KCNN3: variants seen among roughly 807,000 people sequenced by gnomAD.
KCNN3 encodes small conductance calcium-activated potassium channel protein 3.
Under a neutral mutation model 62.9 loss-of-function variants are expected in KCNN3, and 16 were observed. The ratio of observed to expected loss-of-function variants is 0.25; its 90% CI spans 0.17 to 0.39. The LOEUF (loss-of-function observed/expected upper bound fraction) is 0.39. KCNN3 is among the 10% of genes least tolerant of loss of function. The probability of loss-of-function intolerance (pLI) is 1.00; values close to 1 mark genes in which losing one functional copy is unlikely to be tolerated. For synonymous variants in KCNN3, 370 were observed against 389.2 expected (o/e 0.95, Z 0.58); for missense variants, 599 against 949.4 (o/e 0.63, Z 4.85).
intron 7 of KCNN3, 43 bp downstream of exon 7, chr1:154,713,421 T>C (rs1258290729): frequency 2.5e-5 from 38 of 1,497,090 alleles, no homozygotes; most frequent in Non-Finnish European, 3.5e-5. Context: ...GAAGACTCAG[T>C]GTCTGCGTGT....
intron 1 of KCNN3, among the ~76,000 whole-genome samples, chr1:154,826,323 A>G (rs1264736481): frequency 6.6e-6 from 1 of 152,208 alleles, no homozygotes; most frequent in Non-Finnish European, 1.5e-5. Flanking sequence ...AGCCCTTCAC[A>G]GATCTGTGAT....
intron 2 of KCNN3, among the ~76,000 whole-genome samples, chr1:154,801,073 G>T (rs1649932902): frequency 6.6e-6 from 1 of 152,038 alleles, no homozygotes; most frequent in South Asian, 2.1e-4. Flanking sequence ...CACCAAGCTG[G>T]CCAGTGGACT....
rs1489866973 is a variant in KCNN3, at chr1:154,698,431, C to T, written c.*9545G>A. ...GATTGACACTGTATACAGGGCATGA[C>T]CTCTCTGACTTGGCCCTGCCTATTA... On this transcript the variant is annotated 3_prime_UTR_variant, in exon 8 of 8. Transcript: ENST00000271915. 6.6e-6 allele frequency: 1 copy of T among 152,190 alleles called. No individual in the cohort carries two copies. Among genetic ancestry groups the T allele is most frequent in the African/African-American group, 2.4e-5 (1 of 41,432 alleles). The allele number at this position is 152,190 out of a possible 1,614,324, so 9.4% of individuals were successfully genotyped here. A position where few individuals can be genotyped will look rare whatever the true frequency, so the allele number is the denominator to read the frequency against.
chr1:154,825,453 C>T (rs1447355727), intron 1 of KCNN3, among the ~76,000 whole-genome samples: 1 of 150,352 alleles, frequency 6.7e-6, no homozygotes, highest in African/African-American at 2.5e-5. Flanking sequence ...GCAAGCTCTG[C>T]CTGCCGGGTT....
chr1:154,852,563 T>C (rs1207145449), intron 1 of KCNN3, among the ~76,000 whole-genome samples: 1 of 152,136 alleles, frequency 6.6e-6, no homozygotes, highest in Non-Finnish European at 1.5e-5. Flanking sequence ...ACAGATCAAG[T>C]ATCTCCAATG....
At position 154,703,133 on chromosome 1, in the gene KCNN3, G is replaced by A. The variant is rs1426151581; in HGVS notation, c.*4843C>T. 1 of 152,060 alleles carries A rather than the reference G, an allele frequency of 6.6e-6. No homozygotes were observed. The allele number at this position is 152,060 out of a possible 1,614,324, so 9.4% of individuals were successfully genotyped here. A position where few individuals can be genotyped will look rare whatever the true frequency, so the allele number is the denominator to read the frequency against. On this transcript the variant is annotated 3_prime_UTR_variant, in exon 8 of 8. Coordinates refer to ENST00000271915, the MANE Select transcript of KCNN3 (RefSeq NM_002249.6). ...AGTACTTTTTAATAAGCTGTGGTCTGTTTCAATAAAAATCTACATATTACT... is the reference window on the plus strand; with the variant it reads ...AGTACTTTTTAATAAGCTGTGGTCTATTTCAATAAAAATCTACATATTACT...
chr1:154,779,439 A>C (rs1425566503), intron 2 of KCNN3, among the ~76,000 whole-genome samples: 1 of 152,170 alleles, frequency 6.6e-6, no homozygotes, highest in Non-Finnish European at 1.5e-5. Flanking sequence ...TAACTGGGTG[A>C]CTGGATGGGG....
chr1:154,831,966 C>T (rs535473917), intron 1 of KCNN3, among the ~76,000 whole-genome samples: 4 of 152,074 alleles, frequency 2.6e-5, no homozygotes, highest in African/African-American at 9.7e-5. Context: ...GCTGCCTTGC[C>T]CCCATCATAC....
intron 1 of KCNN3, among the ~76,000 whole-genome samples, chr1:154,832,025 G>A (rs572410271): frequency 2.6e-4 from 40 of 152,010 alleles, no homozygotes; most frequent in African/African-American, 7.7e-4. Flanking sequence ...TGGGGCTCCC[G>A]GCCTATGCTT....
At chr1:154,857,930 G>A (rs1652602899) in intron 1 of KCNN3, among the ~76,000 whole-genome samples, 1 of 152,172 alleles carries the variant, frequency 6.6e-6, no homozygotes, top group African/African-American at 2.4e-5. Flanking sequence ...CCCATGTAAT[G>A]AGAGCGGTGC....
At chr1:154,821,549 C>T (rs923937588) in intron 2 of KCNN3, among the ~76,000 whole-genome samples, 2 of 152,218 alleles carry the variant, frequency 1.3e-5, no homozygotes, top group African/African-American at 4.8e-5. Context: ...GAAACAGAGG[C>T]CTTCTCGGCC....
At chr1:154,814,316 T>C (rs868259594) in intron 2 of KCNN3, among the ~76,000 whole-genome samples, 9 of 152,240 alleles carry the variant, frequency 5.9e-5, no homozygotes, top group African/African-American at 1.7e-4. Flanking sequence ...GCACCTACTA[T>C]GTGCTAGGCA....
At chr1:154,839,246 C>T (rs994287951) in intron 1 of KCNN3, among the ~76,000 whole-genome samples, 1 of 152,098 alleles carries the variant, frequency 6.6e-6, no homozygotes, top group African/African-American at 2.4e-5. Context: ...GGAAGCAGGG[C>T]GCAGTTGTGC....
chr1:154,743,320 T>C (rs1172527182), intron 3 of KCNN3, among the ~76,000 whole-genome samples: 1 of 152,190 alleles, frequency 6.6e-6, no homozygotes, highest in Non-Finnish European at 1.5e-5. Context: ...GACGCTTGCC[T>C]CAGGCTAGTC....
rs5777929 is a variant in KCNN3 at position 154,741,710 on chromosome 1, TA to T, written c.1449-8567del. Among the ~76,000 whole-genome samples, 642 of 145,456 alleles carry T rather than the reference TA, an allele frequency of 4.4e-3. 1 individual carries two copies. Among genetic ancestry groups the T allele is most frequent in the African/African-American group, 0.013 (502 of 39,508 alleles). On this transcript the variant is annotated intron_variant, in intron 3 of 7. Coordinates refer to ENST00000271915, the MANE Select transcript of KCNN3 (RefSeq NM_002249.6). ...TGAATACTTTTTAAAACTAGTTTTGTAAAAAAAAAAAAAAAAGGATTCTTTT... is the reference window on the plus strand; with the variant it reads ...TGAATACTTTTTAAAACTAGTTTTGTAAAAAAAAAAAAAAAGGATTCTTTT...
intron 7 of KCNN3, among the ~76,000 whole-genome samples, chr1:154,713,065 G>A (rs16830122): frequency 0.11 from 16,778 of 152,090 alleles, 1,161 homozygotes; most frequent in Non-Finnish European, 0.14. Context: ...ACAGCAAACC[G>A]GTGTGACCTG....
intron 2 of KCNN3, among the ~76,000 whole-genome samples, chr1:154,807,516 C>T (rs989762494): frequency 2.0e-5 from 3 of 152,156 alleles, no homozygotes; most frequent in Non-Finnish European, 2.9e-5. Flanking sequence ...GGGATGGTGG[C>T]GGTTTCCAGC....
chr1:154,855,473 A>T (rs1159394748), intron 1 of KCNN3, among the ~76,000 whole-genome samples: 1 of 152,146 alleles, frequency 6.6e-6, no homozygotes, highest in African/African-American at 2.4e-5. Flanking sequence ...TTTTGTATCC[A>T]TTGTACAGTA....
At chr1:154,757,104 G>C (rs1647760133) in intron 3 of KCNN3, among the ~76,000 whole-genome samples, 1 of 152,232 alleles carries the variant, frequency 6.6e-6, no homozygotes, top group Non-Finnish European at 1.5e-5. Context: ...GTAAAGGACA[G>C]ACCTGTGTAG....
Sources: allele counts gnomAD v4.1 joint callset (sites outside exome capture counted in the v4.1 genomes callset), GRCh38; gene constraint gnomAD v4.1.1; transcripts MANE v1.5; gene names NCBI Gene and HGNC (gene_info 2026-07-23, HGNC 2026-07-21).